DHRS2: variants seen among roughly 807,000 people sequenced by gnomAD.
The protein encoded by DHRS2 is dehydrogenase/reductase 2.
In DHRS2, 29 loss-of-function variants were observed where a neutral mutation model predicts 26.3. That is an observed-to-expected ratio of 1.10 (90% confidence interval 0.82 to 1.50). DHRS2 has a LOEUF of 1.50. DHRS2 is among the 40% of genes most tolerant of loss of function. The pLI is 0.00. For missense variants in DHRS2, 439 were observed against 367.1 expected (o/e 1.20, Z -1.60); for synonymous variants, 164 against 151.3 (o/e 1.08, Z -0.62).
At chr14:23,639,398 G>A in intron 3 of DHRS2, 42 bp downstream of exon 3, 3 of 1,527,864 alleles carry the variant, frequency 2.0e-6, no homozygotes, top group Non-Finnish European at 2.6e-6. Flanking sequence ...AGGGGAACAT[G>A]CAGAACCTTT....
chr14:23,640,503 C>G (rs762024591), intron 4 of DHRS2: 1 of 929,622 alleles, frequency 1.1e-6, no homozygotes, highest in African/African-American at 1.8e-5. Flanking sequence ...TGCCTTGAAG[C>G]TCATCTTGGG....
At position 23,644,165 on chromosome 14, in the gene DHRS2, A is replaced by G; in HGVS notation, c.540+3A>G. On this transcript the variant is annotated splice_donor_region_variant and intron_variant, in intron 6 of 8. Transcript: ENST00000250383. ...TTGCAGCTTATAATCCAGTAGTGGT[A>G]AGTGCTTGGTCCTTGTGCTCCTGAG... The G allele has an allele frequency of 1.9e-6, 3 of 1,614,068 alleles. No homozygotes were observed. The highest frequency in any genetic ancestry group is 4.5e-5 in the East Asian group (2 of 44,870).
intron 5 of DHRS2, 86 bp from the exon 6 acceptor site, chr14:23,644,025 G>A (rs1354195247): frequency 1.1e-5 from 15 of 1,357,554 alleles, no homozygotes; most frequent in Admixed American, 1.7e-5. Flanking sequence ...TTCTGTGAGG[G>A]TTGCATCATT....
chr14:23,640,427 C>G, intron 4 of DHRS2: 1 of 985,470 alleles, frequency 1.0e-6, no homozygotes, highest in Non-Finnish European at 1.2e-6. Flanking sequence ...ACATCCCAGC[C>G]TGCTGTAAGT....
chr14:23,643,751 C>T (rs1379492007), intron 5 of DHRS2: 2 of 353,726 alleles, frequency 5.7e-6, no homozygotes, highest in Non-Finnish European at 5.4e-6. Context: ...TCTGGTCTCC[C>T]TTACCCCATC....
At chr14:23,639,383 C>T in intron 3 of DHRS2, 27 bp downstream of exon 3, 1 of 1,547,684 alleles carries the variant, frequency 6.5e-7, no homozygotes, top group Non-Finnish European at 8.7e-7. Context: ...TGGAAGGACA[C>T]AGAGAGGGGA....
At chr14:23,641,738 G>A in intron 4 of DHRS2, 1 of 1,289,668 alleles carries the variant, frequency 7.8e-7, no homozygotes, top group African/African-American at 1.5e-5. Context: ...CCCCCACACT[G>A]GTAACCTGTC....
In DHRS2 at chr14:23,645,315, G is replaced by T. The variant is rs1381982714; in HGVS notation, c.*62G>T. 1.2e-6 allele frequency: 2 copies of T among 1,610,588 alleles called. No individual in the cohort carries two copies. Among genetic ancestry groups the T allele is most frequent in the South Asian group, 2.2e-5 (2 of 91,058 alleles). ...CCCAGGAGCCTGAGGGGGTGTCTAG[G>T]TGATCATTTGGATCTGGAGGCAGAG... On this transcript the variant is annotated 3_prime_UTR_variant, in exon 9 of 9. Coordinates refer to ENST00000250383, the MANE Select transcript of DHRS2 (RefSeq NM_005794.4).
intron 5 of DHRS2, 46 bp downstream of exon 5, chr14:23,643,265 GGT>G (rs1237190032): frequency 6.3e-7 from 1 of 1,577,226 alleles, no homozygotes. Context: ...GGGGACCTGA[GGT>G]GGGCACAGAA....
chr14:23,644,771 G>A (rs1313012171), intron 7 of DHRS2, 56 bp from the exon 8 acceptor site: 2 of 1,598,746 alleles, frequency 1.3e-6, no homozygotes, highest in East Asian at 2.2e-5. Flanking sequence ...CCTTCCCGGG[G>A]CCCTGCCCAT....
intron 4 of DHRS2, chr14:23,640,291 T>C (rs1394524152): frequency 6.2e-5 from 61 of 986,414 alleles, no homozygotes; most frequent in Non-Finnish European, 7.0e-5. Context: ...ATACGGATAC[T>C]GTGTTTTTCT....
Position 23,644,113 on chromosome 14 carries a change from G to A in DHRS2, c.491G>A (p.Arg164Lys), listed in dbSNP as rs767325331. 1 of 1,614,156 alleles carries A rather than the reference G, an allele frequency of 6.2e-7. No homozygotes were observed. Among genetic ancestry groups the A allele is most frequent in the Non-Finnish European group, 8.5e-7 (1 of 1,179,998 alleles). Residue 164 changes from arginine (R) to lysine (K), a missense_variant and splice_region_variant, in exon 6 of 9, where the codon AGG becomes AAG. Physicochemically the swap from Arg to Lys is conservative, Grantham distance 26 (BLOSUM62 2). Coordinates refer to ENST00000250383, the MANE Select transcript of DHRS2 (RefSeq NM_005794.4). Reference sequence around the variant, plus strand: ...CTCTTATGTTTGTCTTGTCTCAGGAGGGGTGCTGTCATCCTGGTCTCTTCC... The same window carrying A: ...CTCTTATGTTTGTCTTGTCTCAGGAAGGGTGCTGTCATCCTGGTCTCTTCC... ...SQLLPYMENR[R>K]GAVILVSSIA...
chr14:23,639,524 T>C (rs1014224440), intron 3 of DHRS2, among the ~76,000 whole-genome samples, 168 bp downstream of exon 3: 1 of 151,966 alleles, frequency 6.6e-6, no homozygotes, highest in Non-Finnish European at 1.5e-5. Flanking sequence ...AAGTGACCTG[T>C]TCGTGAGAGG....
upstream of DHRS2, among the ~76,000 whole-genome samples, chr14:23,635,454 C>G (rs778300327): frequency 6.6e-6 from 1 of 152,208 alleles, no homozygotes; most frequent in South Asian, 2.1e-4. Context: ...TGTACAGTCT[C>G]TTGGTGCACA....
chr14:23,637,487 C>A (rs1018102286), intron 1 of DHRS2, among the ~76,000 whole-genome samples: 1 of 152,172 alleles, frequency 6.6e-6, no homozygotes, highest in African/African-American at 2.4e-5. Context: ...TAAGTGAGGA[C>A]AAAAGGTGTC....
chr14:23,631,849 C>T (rs1355575976), upstream of DHRS2, among the ~76,000 whole-genome samples: 1 of 152,194 alleles, frequency 6.6e-6, no homozygotes, highest in Non-Finnish European at 1.5e-5. Flanking sequence ...GCTGCTCACT[C>T]TTCCCATCCT....
chr14:23,643,992 G>C, intron 5 of DHRS2, 119 bp from the exon 6 acceptor site: 1 of 1,009,572 alleles, frequency 9.9e-7, no homozygotes, highest in Middle Eastern at 2.1e-4. Context: ...CTGAGATGGG[G>C]ACAGTAATAG....
intron 1 of DHRS2, chr14:23,638,168 G>A (rs560732997): frequency 3.9e-5 from 6 of 153,290 alleles, no homozygotes; most frequent in Non-Finnish European, 8.7e-5. Context: ...CTGCCTTTAA[G>A]AGCTGTAACA....
Position 23,639,292 on chromosome 14 carries a change from TGA to T in DHRS2, c.256_257del (p.Ser86CysfsTer12), listed in dbSNP as rs759167374. ...ATGGCCAAGCTGCAGGGGGAGGGGC[TGA>T]GTGTGGCGGGCATTGTGTGCCACGT... On this transcript the variant is annotated frameshift_variant, in exon 3 of 9. Transcript: ENST00000250383. LOFTEE classifies it high-confidence loss of function. 5 of 1,604,474 alleles carry T rather than the reference TGA, an allele frequency of 3.1e-6. No individual in the cohort carries two copies. The highest frequency in any genetic ancestry group is 4.3e-6 in the Non-Finnish European group (5 of 1,175,534).
Sources: allele counts gnomAD v4.1 joint callset (sites outside exome capture counted in the v4.1 genomes callset), GRCh38; gene constraint gnomAD v4.1.1; transcripts MANE v1.5; gene names NCBI Gene and HGNC (gene_info 2026-07-23, HGNC 2026-07-21).